Variants in CASC3 observed in about 807,000 individuals in gnomAD.
The protein encoded by CASC3 is CASC3 exon junction complex subunit.
In CASC3, 30 loss-of-function variants were observed where a neutral mutation model predicts 80.5. The ratio of observed to expected loss-of-function variants is 0.37; its 90% CI spans 0.28 to 0.51. The LOEUF (loss-of-function observed/expected upper bound fraction) is 0.51. Among genes scored for constraint, CASC3 ranks in the 20% least tolerant of loss-of-function variants. CASC3 has a pLI of 0.94. For synonymous variants in CASC3, 312 were observed against 333.6 expected (o/e 0.94, Z 0.70); for missense variants, 824 against 922.2 (o/e 0.89, Z 1.38).
chr17:40,167,694 C>G lies in CASC3; in HGVS notation c.1651+82C>G. ...TACCAGGCTCCTGGCTCCTGAATTT[C>G]TCTTCTGACCTCTTATAGTGGTTAT... On this transcript the variant is annotated intron_variant, in intron 9 of 13. Transcript: ENST00000264645. 3.2e-6 allele frequency: 4 copies of G among 1,256,542 alleles called. No homozygotes were observed. In the South Asian group the frequency reaches 3.7e-5, roughly 12 times the overall value. The allele number at this position is 1,256,542 out of a possible 1,614,324, so 77.8% of individuals were successfully genotyped here.
chr17:40,153,902 C>T (rs984751533), intron 3 of CASC3, among the ~76,000 whole-genome samples: 43 of 152,034 alleles, frequency 2.8e-4, no homozygotes, highest in African/African-American at 1.0e-3. Flanking sequence ...GGCGAAACCT[C>T]GTCTCTGCTA....
intron 3 of CASC3, among the ~76,000 whole-genome samples, chr17:40,150,943 G>C (rs1225401008): frequency 6.6e-6 from 1 of 152,022 alleles, no homozygotes; most frequent in Non-Finnish European, 1.5e-5. Context: ...AACCCGGGAG[G>C]TGGAGCTTGC....
At chr17:40,144,821 C>T (rs766707415) in intron 3 of CASC3, among the ~76,000 whole-genome samples, 73 of 141,690 alleles carry the variant, frequency 5.2e-4, no homozygotes, top group Non-Finnish European at 7.6e-4. Flanking sequence ...AGATTACAAG[C>T]ATGAGCCACC....
chr17:40,169,644 A>AT lies in CASC3; in HGVS notation c.*24dup. ...TAATACAAGTTTCTGAATATTTTAAATCTTAACATCATATAAAAGTAAGTG... is the reference window on the plus strand; with the variant it reads ...TAATACAAGTTTCTGAATATTTTAAATTCTTAACATCATATAAAAGTAAGTG... On this transcript the variant is annotated 3_prime_UTR_variant, in exon 13 of 14. Transcript: ENST00000264645. 1 of 1,563,348 alleles carries AT rather than the reference A, an allele frequency of 6.4e-7. No individual in the cohort carries two copies. The highest frequency in any genetic ancestry group is 8.7e-7 in the Non-Finnish European group (1 of 1,152,754).
At chr17:40,149,973 A>G (rs1273798402) in intron 3 of CASC3, among the ~76,000 whole-genome samples, 1 of 152,178 alleles carries the variant, frequency 6.6e-6, no homozygotes, top group African/African-American at 2.4e-5. Flanking sequence ...ATTCTTGACT[A>G]AGTACATGAG....
intron 7 of CASC3, among the ~76,000 whole-genome samples, chr17:40,165,525 A>G (rs1383420348): frequency 6.6e-6 from 1 of 152,140 alleles, no homozygotes; most frequent in Non-Finnish European, 1.5e-5. Flanking sequence ...GTACAGGATC[A>G]TTTTCCACAA....
intron 10 of CASC3, 82 bp from the exon 11 acceptor site, chr17:40,168,121 G>C: frequency 7.2e-7 from 1 of 1,386,804 alleles, no homozygotes; most frequent in Non-Finnish European, 1.0e-6. Flanking sequence ...TTCTGAGCCT[G>C]ATTATACTGA....
At position 40,145,227 on chromosome 17, in the gene CASC3, G is replaced by A. The variant is rs183651857; in HGVS notation, c.297+3620G>A. ...TCATTCCGTTGCCAGGCTGGAGTGC[G>A]GTGGTGCAATCTCGGCTCACTGCAG... On this transcript the variant is annotated intron_variant, in intron 3 of 13. Coordinates refer to ENST00000264645, the MANE Select transcript of CASC3 (RefSeq NM_007359.5). Among the ~76,000 whole-genome samples the A allele has an allele frequency of 1.9e-4, 29 of 151,168 alleles. 1 individual carries two copies. The highest frequency in any genetic ancestry group is 1.5e-3 in the Admixed American group (22 of 15,098).
Position 40,168,338 on chromosome 17 carries a change from A to T in CASC3, c.1886A>T (p.Asn629Ile). 2 of 1,614,102 alleles carry T rather than the reference A, an allele frequency of 1.2e-6. No individual in the cohort carries two copies. Among genetic ancestry groups the T allele is most frequent in the East Asian group, 2.2e-5 (1 of 44,882 alleles). Residue 629 changes from asparagine to isoleucine, a missense_variant, in exon 11 of 14, where the codon AAC becomes ATC. Asn to Ile is a moderately radical substitution (Grantham distance 149, BLOSUM62 -3). This residue lies in a region of CASC3 where 464 missense variants were observed against 506.0 expected (regional missense o/e 0.92). Transcript: ENST00000264645. Reference protein sequence around the residue: ...PTYFSAPGVMNFGNPSYPYAP... With the variant: ...PTYFSAPGVMIFGNPSYPYAP... The stretch of plus-strand genomic sequence containing the variant: ...TACTTTTCTGCTCCAGGCGTCATGA[A>T]CTTTGGTAATCCCAGTTACCCTTAT...
rs775610775 is a variant in CASC3, at chr17:40,140,668, C to G, written c.120C>G (p.Ala40=). ...GAGGCGGGAGCTGCAGCGGTAGCGC[C>G]GGAGGCGGCGGCAGCGGCTCTCTGC... ...LRGGGSCSGS[A]GGGGSGSLPS... Residue 40 remains alanine, a synonymous_variant, in exon 1 of 14, where the codon GCC becomes GCG. Coordinates refer to ENST00000264645, the MANE Select transcript of CASC3 (RefSeq NM_007359.5). The G allele has an allele frequency of 6.2e-7, 1 of 1,603,572 alleles. No individual in the cohort carries two copies. The highest frequency in any genetic ancestry group is 8.5e-7 in the Non-Finnish European group (1 of 1,176,494).
intron 7 of CASC3, 57 bp from the exon 8 acceptor site, chr17:40,166,740 T>G: frequency 8.4e-7 from 1 of 1,192,318 alleles, no homozygotes; most frequent in Non-Finnish European, 1.2e-6. Flanking sequence ...GATAGTATCT[T>G]TGAGTCCCAC....
rs753403484 is a variant in CASC3 at position 40,140,712 on chromosome 17, G to A, written c.164G>A (p.Arg55Gln). 3 of 1,566,304 alleles carry A rather than the reference G, an allele frequency of 1.9e-6. No individual in the cohort carries two copies. Among genetic ancestry groups the A allele is most frequent in the African/African-American group, 1.4e-5 (1 of 73,636 alleles). Residue 55 changes from arginine (R) to glutamine (Q), a missense_variant, in exon 1 of 14, where the codon CGA (arginine) becomes CAA (glutamine). By Grantham distance (43) the Arg-to-Gln change is conservative (BLOSUM62 1). Transcript: ENST00000264645. ...SGSLPSQRGG[R>Q]TGALHLRRVE... is the part of the protein sequence containing the mutation. ...TCTCTGCCTTCACAGCGCGGAGGCCGAACCGGGGCCCTTCATCTGCGGCGG... is the reference window on the plus strand; with the variant it reads ...TCTCTGCCTTCACAGCGCGGAGGCCAAACCGGGGCCCTTCATCTGCGGCGG...
rs1988695267 is a variant in CASC3 at position 40,140,877 on chromosome 17, T to C, written c.231+98T>C. ...AGGTAGTCTGTGAGTTGATAGTAGA[T>C]ACTGGGACTTTTTTTTGTTTTTGAG... is the stretch of plus-strand genomic sequence containing the variant. On this transcript the variant is annotated intron_variant, in intron 1 of 13. Coordinates refer to ENST00000264645, the MANE Select transcript of CASC3 (RefSeq NM_007359.5). 108 of 948,304 alleles carry C rather than the reference T, an allele frequency of 1.1e-4. 2 individuals are homozygous for C. In the South Asian group the frequency reaches 1.9e-3, roughly 16 times the overall value. 58.7% of individuals were successfully genotyped at this position (948,304 alleles called of 1,614,324 possible).
At position 40,166,777 on chromosome 17, in the gene CASC3, AC is replaced by A; in HGVS notation, c.1472-19del. The A allele has an allele frequency of 6.3e-7, 1 of 1,575,128 alleles. No individual in the cohort carries two copies. On this transcript the variant is annotated intron_variant, in intron 7 of 13. Transcript: ENST00000264645. ...CACGTATGTCTGATCTGCAGAAGTGACTTTTTTGGTGTATTACAGGTATGCC... is the reference window on the plus strand; with the variant it reads ...CACGTATGTCTGATCTGCAGAAGTGATTTTTTGGTGTATTACAGGTATGCC...
chr17:40,169,293 C>T lies in CASC3; in HGVS notation c.1966-31C>T, dbSNP rs911874328. 43 of 1,503,118 alleles carry T rather than the reference C, an allele frequency of 2.9e-5. 1 individual carries two copies. The Admixed American group carries it at 3.2e-4, about 11-fold the overall frequency. 93.1% of individuals were successfully genotyped at this position (1,503,118 alleles called of 1,614,324 possible). A position where few individuals can be genotyped will look rare whatever the true frequency, so the allele number is the denominator to read the frequency against. ...ATAGGTTGGATGAATTCATTCCTAA[C>T]TTTTTCTTCTCCTGGCTTGTGGGGT... On this transcript the variant is annotated intron_variant, in intron 11 of 13. Transcript: ENST00000264645.
rs1288679517 is a variant in CASC3 at position 40,170,467 on chromosome 17, A to G, written c.*62A>G. 2 of 985,490 alleles carry G rather than the reference A, an allele frequency of 2.0e-6. No individual in the cohort carries two copies. The highest frequency in any genetic ancestry group is 2.4e-6 in the Non-Finnish European group (2 of 829,976). The allele number at this position is 985,490 out of a possible 1,614,324, so 61.0% of individuals were successfully genotyped here. Reference sequence around the variant, plus strand: ...GTCAGAGCAGCAGAGGTGAGAACTCAGAAGAGAAATACAGCTGGCTATCTA... The same window carrying G: ...GTCAGAGCAGCAGAGGTGAGAACTCGGAAGAGAAATACAGCTGGCTATCTA... On this transcript the variant is annotated 3_prime_UTR_variant, in exon 14 of 14. Transcript: ENST00000264645.
chr17:40,145,935 T>G lies in CASC3; in HGVS notation c.297+4328T>G, dbSNP rs189816178. Reference sequence around the variant, plus strand: ...CATGAGCCACTATGCTTTGTCTGATTTAAATTTTAAAGATGTGTTTTTCAG... The same window carrying G: ...CATGAGCCACTATGCTTTGTCTGATGTAAATTTTAAAGATGTGTTTTTCAG... On this transcript the variant is annotated intron_variant, in intron 3 of 13. Transcript: ENST00000264645. Among the ~76,000 whole-genome samples, 654 of 152,156 alleles carry G rather than the reference T, an allele frequency of 4.3e-3. 7 individuals are homozygous for G. The highest frequency in any genetic ancestry group is 6.8e-3 in the Non-Finnish European group (459 of 67,992).
At chr17:40,153,675 C>T (rs1989069552) in intron 3 of CASC3, among the ~76,000 whole-genome samples, 1 of 152,140 alleles carries the variant, frequency 6.6e-6, no homozygotes, top group Admixed American at 6.6e-5. Context: ...GTGTTATTTA[C>T]CCAGGTGCAT....
intron 7 of CASC3, among the ~76,000 whole-genome samples, chr17:40,164,615 T>C (rs1462364156): frequency 6.6e-6 from 1 of 151,250 alleles, no homozygotes; most frequent in Non-Finnish European, 1.5e-5. Flanking sequence ...CTGGGCTAAT[T>C]TTTGTATTTT....
Sources: gnomAD v4.1 joint callset for allele counts (sites outside exome capture counted in the v4.1 genomes callset) on GRCh38, gnomAD v4.1.1 for gene constraint, gnomAD v4.1.1 regional missense constraint, MANE v1.5 for transcripts, NCBI Gene and HGNC (gene_info 2026-07-23, HGNC 2026-07-21) for gene names.